The following NDST3 variants were observed in gnomAD, a reference collection of about 807,000 sequenced individuals.
NDST3 encodes the protein bifunctional heparan sulfate N-deacetylase/N-sulfotransferase 3.
NDST3 carries 58 observed loss-of-function variants against 96.1 expected under a neutral mutation model. The observed-to-expected ratio is 0.60, with a 90% CI of 0.49 to 0.75. The LOEUF is 0.75. Among genes scored for constraint, NDST3 ranks in the 30% least tolerant of loss-of-function variants. NDST3 has a pLI of 0.00. For missense variants in NDST3, 788 were observed against 1,034.2 expected, an observed-to-expected ratio of 0.76 and a Z score of 3.27; for synonymous variants, 333 against 359.7, an observed-to-expected ratio of 0.93 and a Z score of 0.84.
chr4:118,196,860 T>C (rs901278516), intron 6 of NDST3, among the ~76,000 whole-genome samples: 4 of 152,010 alleles, frequency 2.6e-5, no homozygotes, highest in Non-Finnish European at 1.5e-5. Flanking sequence ...ATCTTTATTA[T>C]TCCTTTTCTT....
chr4:118,100,748 T>C (rs1042675870), intron 2 of NDST3, among the ~76,000 whole-genome samples: 1 of 152,168 alleles, frequency 6.6e-6, no homozygotes, highest in Non-Finnish European at 1.5e-5. Context: ...GTCACCTCTT[T>C]AGCTCTTAAA....
chr4:118,195,672 T>C (rs985714112), intron 6 of NDST3, among the ~76,000 whole-genome samples: 23 of 152,258 alleles, frequency 1.5e-4, no homozygotes, highest in African/African-American at 5.5e-4. Flanking sequence ...TATTAGCATA[T>C]ACAAATGCTA....
At chr4:118,236,999 T>G in intron 9 of NDST3, 47 bp from the exon 10 acceptor site, 29 of 1,386,708 alleles carry the variant, frequency 2.1e-5, no homozygotes, top group South Asian at 4.6e-5. Context: ...GTCACCAGAA[T>G]GAGTATAAAC....
chr4:118,075,300 G>A (rs923129178), intron 2 of NDST3, among the ~76,000 whole-genome samples: 8 of 152,188 alleles, frequency 5.3e-5, no homozygotes, highest in Non-Finnish European at 1.0e-4. Flanking sequence ...GTCTATCATT[G>A]TTGGACATTT....
rs568031381 is a variant in NDST3, at chr4:118,201,315, T to C, written c.1540-23176T>C. On this transcript the variant is annotated intron_variant, in intron 6 of 13. Transcript: ENST00000296499. ...GGTGTAAACCTAGTAATGGTATGGC[T>C]GAGATGAATGGTAGCCCTGTTTTAG... 2.6e-5 allele frequency among the ~76,000 whole-genome samples: 4 copies of C among 152,226 alleles called. No homozygotes were observed. In the South Asian group the frequency reaches 8.3e-4, roughly 31 times the overall value.
chr4:118,150,016 T>C (rs558098922), intron 6 of NDST3, among the ~76,000 whole-genome samples: 32 of 151,698 alleles, frequency 2.1e-4, no homozygotes, highest in Admixed American at 1.6e-3. Flanking sequence ...GAGATAATCA[T>C]GTGGTTTTTG....
intron 3 of NDST3, among the ~76,000 whole-genome samples, chr4:118,113,637 T>C (rs1333570444): frequency 6.6e-6 from 1 of 152,190 alleles, no homozygotes; most frequent in African/African-American, 2.4e-5. Context: ...TAACAGGAAC[T>C]GGGTTTAGTT....
chr4:118,066,019 AAAT>A (rs573966046), intron 2 of NDST3, among the ~76,000 whole-genome samples: 3 of 136,698 alleles, frequency 2.2e-5, no homozygotes, highest in African/African-American at 5.5e-5. Flanking sequence ...CTATCCTCAA[AAAT>A]AATAATAATA....
chr4:118,033,593 G>A (rs907591051), upstream of NDST3: 2 of 151,906 alleles, frequency 1.3e-5, no homozygotes, highest in African/African-American at 4.8e-5. Context: ...GCTGGGAGGC[G>A]GCGGCTCCCG....
chr4:118,064,115 T>C (rs1726113983), intron 2 of NDST3, among the ~76,000 whole-genome samples: 2 of 152,186 alleles, frequency 1.3e-5, no homozygotes, highest in African/African-American at 2.4e-5. Context: ...AGTGACAGCA[T>C]AGTGACAGGC....
chr4:118,049,735 A>T (rs74952019), intron 1 of NDST3, among the ~76,000 whole-genome samples: 6,526 of 150,858 alleles, frequency 0.043, 453 homozygotes, highest in African/African-American at 0.15. Context: ...ATAATAATAA[A>T]AAAAAAAAAC....
chr4:118,236,675 G>A (rs1740666813), intron 9 of NDST3, among the ~76,000 whole-genome samples: 1 of 152,142 alleles, frequency 6.6e-6, no homozygotes, highest in Non-Finnish European at 1.5e-5. Context: ...CATATCGTCT[G>A]TTTTAATACG....
chr4:118,092,383 T>C (rs75797939), intron 2 of NDST3, among the ~76,000 whole-genome samples: 2 of 151,754 alleles, frequency 1.3e-5, no homozygotes, highest in East Asian at 3.9e-4. Context: ...AATTAGAATA[T>C]TGTCAGAAAG....
At chr4:118,169,395 A>C (rs191935532) in intron 6 of NDST3, among the ~76,000 whole-genome samples, 34 of 152,310 alleles carry the variant, frequency 2.2e-4, no homozygotes, top group African/African-American at 7.9e-4. Context: ...ATATACATCT[A>C]TAAAAGTCAC....
chr4:118,141,424 A>G (rs1250156636), intron 5 of NDST3, among the ~76,000 whole-genome samples: 3 of 152,160 alleles, frequency 2.0e-5, no homozygotes, highest in African/African-American at 7.2e-5. Context: ...GTAGTGGTCC[A>G]CTGACTCCCG....
intron 4 of NDST3, among the ~76,000 whole-genome samples, chr4:118,124,324 G>A (rs1051970018): frequency 6.6e-6 from 1 of 151,894 alleles, no homozygotes; most frequent in Non-Finnish European, 1.5e-5. Flanking sequence ...AGTTTACCTT[G>A]GTTTTTTTGT....
intron 1 of NDST3, among the ~76,000 whole-genome samples, chr4:118,039,467 G>C (rs192377147): frequency 6.6e-6 from 1 of 152,252 alleles, no homozygotes; most frequent in Admixed American, 6.5e-5. Context: ...TACTCTATTA[G>C]ACATTAAAAA....
chr4:118,246,324 G>T (rs1355572904), intron 12 of NDST3, among the ~76,000 whole-genome samples: 1 of 152,142 alleles, frequency 6.6e-6, no homozygotes, highest in Non-Finnish European at 1.5e-5. Flanking sequence ...GCAAGATTTA[G>T]GCTGGGTGGG....
intron 1 of NDST3, among the ~76,000 whole-genome samples, chr4:118,044,366 T>C (rs1724633807): frequency 6.6e-6 from 1 of 152,248 alleles, no homozygotes; most frequent in Non-Finnish European, 1.5e-5. Flanking sequence ...TAAATTTTTA[T>C]TTGCTTAAAT....
Sources: gnomAD v4.1 joint callset for allele counts (sites outside exome capture counted in the v4.1 genomes callset) on GRCh38, gnomAD v4.1.1 for gene constraint, MANE v1.5 for transcripts, NCBI Gene and HGNC (gene_info 2026-07-23, HGNC 2026-07-21) for gene names.